The following ANKRD28 variants were observed in gnomAD, a reference collection of about 807,000 sequenced individuals.
ANKRD28 encodes the protein serine/threonine-protein phosphatase 6 regulatory ankyrin repeat subunit A.
In ANKRD28, 44 loss-of-function variants were observed where a neutral mutation model predicts 126.5. That is an observed-to-expected ratio of 0.35 (90% CI 0.27 to 0.45). The LOEUF (loss-of-function observed/expected upper bound fraction) is 0.45. ANKRD28 is among the 20% of genes least tolerant of loss of function. The probability of loss-of-function intolerance (pLI) is 1.00; values close to 1 mark genes in which losing one functional copy is unlikely to be tolerated. For missense variants in ANKRD28, 1,110 were observed against 1,316.6 expected, an observed-to-expected ratio of 0.84 and a Z score of 2.43; for synonymous variants, 442 against 468.5, an observed-to-expected ratio of 0.94 and a Z score of 0.73.
chr3:15,769,622 G>A (rs1219654342), intron 2 of ANKRD28, among the ~76,000 whole-genome samples: 5 of 151,934 alleles, frequency 3.3e-5, no homozygotes, highest in African/African-American at 9.7e-5. Context: ...CAATATCCTC[G>A]GCTTCCTGAG....
Position 15,805,062 on chromosome 3 carries a change from GTAA to G in ANKRD28, c.28-9759_28-9757del, listed in dbSNP as rs1553640805. ...AACAGAGTTTCACTGACTTTTCCAA[GTAA>G]GTGTAGATTCAACAGTTACACATAT... On this transcript the variant is annotated intron_variant, in intron 1 of 27. Coordinates refer to the ANKRD28 transcript ENST00000399451. Among the ~76,000 whole-genome samples, 27 of 145,476 alleles carry G rather than the reference GTAA, an allele frequency of 1.9e-4. 3 individuals carry two copies. Among genetic ancestry groups the G allele is most frequent in the Middle Eastern group, 3.4e-3 (1 of 292 alleles).
At chr3:15,681,642 C>T (rs1048803235) in intron 21 of ANKRD28, among the ~76,000 whole-genome samples, 5 of 152,186 alleles carry the variant, frequency 3.3e-5, no homozygotes, top group African/African-American at 1.2e-4. Context: ...ACTTAATCAG[C>T]TTAAACTTTA....
At chr3:15,723,922 T>C (rs1183811516) in intron 7 of ANKRD28, among the ~76,000 whole-genome samples, 1 of 152,224 alleles carries the variant, frequency 6.6e-6, no homozygotes, top group South Asian at 2.1e-4. Flanking sequence ...AACAGAATTA[T>C]ATAGTAAGGA....
At chr3:15,712,055 A>G in intron 11 of ANKRD28, 85 bp downstream of exon 11, 1 of 1,058,050 alleles carries the variant, frequency 9.5e-7, no homozygotes, top group Non-Finnish European at 1.4e-6. Flanking sequence ...CATCTGCATT[A>G]ATTTTTAAAA....
chr3:15,794,526 T>TA (rs1457910284), intron 2 of ANKRD28, among the ~76,000 whole-genome samples: 1 of 152,164 alleles, frequency 6.6e-6, no homozygotes, highest in Non-Finnish European at 1.5e-5. Flanking sequence ...GTAATTTTGT[T>TA]AGAGTACGTA....
Position 15,830,368 on chromosome 3 carries a change from G to C in ANKRD28, c.27+29009C>G, listed in dbSNP as rs1277427580. Among the ~76,000 whole-genome samples the C allele has an allele frequency of 2.0e-5, 3 of 152,120 alleles. No homozygotes were observed. The highest frequency in any genetic ancestry group is 4.4e-5 in the Non-Finnish European group (3 of 68,008). On this transcript the variant is annotated intron_variant, in intron 1 of 27. Transcript: ENST00000399451. The surrounding 1 kb of genome is among the most constrained non-coding windows in gnomAD (Gnocchi z 4.5). The stretch of plus-strand genomic sequence containing the variant: ...TTCATGGCCTGTCAGAAACTGGGCT[G>C]GATAGCAGGAGGTGAGCAGCGGGCA...
intron 18 of ANKRD28, chr3:15,686,539 C>A (rs2068149286): frequency 5.6e-6 from 3 of 535,646 alleles, no homozygotes; most frequent in Admixed American, 3.2e-5. Flanking sequence ...GCCTACCCAG[C>A]ACCCATGCCC....
In ANKRD28 at chr3:15,713,562, G is replaced by A. The variant is rs771928286; in HGVS notation, c.1155C>T (p.Ile385=). ...IAARYGHELL[I]NTLITSGADT... ...CAGCACCACTTGTAATAAGAGTGTT[G>A]ATCAGCAGCTCATGGCCATACCGTG... The change falls in exon 10 of 28, where the codon ATC becomes ATT. Residue 385 remains isoleucine, a synonymous_variant. Transcript: ENST00000683139. The A allele has an allele frequency of 1.2e-6, 2 of 1,611,596 alleles. No individual in the cohort carries two copies. The highest frequency in any genetic ancestry group is 4.5e-5 in the East Asian group (2 of 44,726).
intron 17 of ANKRD28, among the ~76,000 whole-genome samples, chr3:15,691,425 G>A (rs1290601471): frequency 2.6e-5 from 4 of 152,228 alleles, no homozygotes; most frequent in Admixed American, 2.0e-4. Context: ...GCCCGGCCCC[G>A]AGTTGCCTTC....
At chr3:15,749,103 T>TTTTTTG (rs1559466388) in intron 4 of ANKRD28, among the ~76,000 whole-genome samples, 4 of 26,962 alleles carry the variant, frequency 1.5e-4, no homozygotes, top group East Asian at 7.0e-3. Flanking sequence ...ATGTTTTTGT[T>TTTTTTG]TTTTTTTTTT....
At chr3:15,802,848 A>G (rs1203548316), upstream of ANKRD28, among the ~76,000 whole-genome samples, 1 of 152,180 alleles carries the variant, frequency 6.6e-6, no homozygotes, top group Non-Finnish European at 1.5e-5. Context: ...ACATTCATCT[A>G]CTATGTGCCA....
intron 1 of ANKRD28, among the ~76,000 whole-genome samples, chr3:15,811,767 T>C (rs963610768): frequency 6.6e-6 from 1 of 152,122 alleles, no homozygotes; most frequent in Non-Finnish European, 1.5e-5. Flanking sequence ...ACAATTTTTT[T>C]AAAACCTTTA....
Position 15,680,409 on chromosome 3 carries a change from G to A in ANKRD28, c.2390-846C>T, listed in dbSNP as rs571795171. ...TTTAGTAGACACGGGGTTTCACCAT[G>A]TTGGTCAGGCTGATCTCAAACTCCT... On this transcript the variant is annotated intron_variant, in intron 21 of 27. Transcript: ENST00000683139. Among the ~76,000 whole-genome samples the A allele has an allele frequency of 2.0e-5, 3 of 152,096 alleles. No homozygotes were observed. In the South Asian group the frequency reaches 6.2e-4, roughly 32 times the overall value.
chr3:15,749,093 A>ATGTTTTTT (rs1278565192), intron 4 of ANKRD28, among the ~76,000 whole-genome samples: 12 of 57,814 alleles, frequency 2.1e-4, no homozygotes, highest in East Asian at 1.4e-3. Flanking sequence ...ATTCTATATT[A>ATGTTTTTT]TGTTTTTGTT....
chr3:15,807,869 C>T (rs1176991087), intron 1 of ANKRD28, among the ~76,000 whole-genome samples: 1 of 152,096 alleles, frequency 6.6e-6, no homozygotes. Context: ...TAAGATAATA[C>T]TTTTATCTGG....
intron 2 of ANKRD28, among the ~76,000 whole-genome samples, chr3:15,789,629 T>A (rs2059936689): frequency 6.6e-6 from 1 of 151,954 alleles, no homozygotes; most frequent in Non-Finnish European, 1.5e-5. Context: ...ATGCTCTAGA[T>A]TAAATTATTA....
At chr3:15,835,904 T>C (rs954058512) in intron 1 of ANKRD28, among the ~76,000 whole-genome samples, 2 of 152,222 alleles carry the variant, frequency 1.3e-5, no homozygotes, top group African/African-American at 2.4e-5. Context: ...TAATGGTAAT[T>C]ACAGGTAAAG....
chr3:15,708,133 GACTCTT>G, intron 13 of ANKRD28, 69 bp from the exon 14 acceptor site: 1 of 1,490,646 alleles, frequency 6.7e-7, no homozygotes, highest in Non-Finnish European at 9.1e-7. Context: ...AAGCATAGTT[GACTCTT>G]ACTCCTCCCA....
intron 2 of ANKRD28, among the ~76,000 whole-genome samples, chr3:15,794,783 CTTA>C (rs1553638007): frequency 6.6e-6 from 1 of 152,124 alleles, no homozygotes; most frequent in Non-Finnish European, 1.5e-5. Context: ...CAAATCTGAT[CTTA>C]TATTTAGATA....
Sources: gnomAD v4.1 joint callset for allele counts (sites outside exome capture counted in the v4.1 genomes callset) on GRCh38, gnomAD v4.1.1 for gene constraint, Gnocchi (gnomAD v3.1) non-coding constraint, MANE v1.5 for transcripts, NCBI Gene and HGNC (gene_info 2026-07-23, HGNC 2026-07-21) for gene names.